Variants in CCSER2 observed in about 807,000 individuals in gnomAD.
CCSER2 encodes serine-rich coiled-coil domain-containing protein 2.
Under a neutral mutation model 92.3 loss-of-function variants are expected in CCSER2, and 46 were observed. The ratio of observed to expected loss-of-function variants is 0.50; its 90% CI spans 0.39 to 0.64. CCSER2 has a LOEUF of 0.64. Among genes scored for constraint, CCSER2 ranks in the 30% least tolerant of loss-of-function variants. The pLI is 0.00. For missense variants in CCSER2, 1,244 were observed against 1,238.9 expected, an observed-to-expected ratio of 1.00 and a Z score of -0.06; for synonymous variants, 433 against 431.4, an observed-to-expected ratio of 1.00 and a Z score of -0.04.
chr10:84,465,901 C>A (rs896443289), intron 7 of CCSER2, among the ~76,000 whole-genome samples: 1 of 152,054 alleles, frequency 6.6e-6, no homozygotes, highest in Non-Finnish European at 1.5e-5. Flanking sequence ...CAGGTGCCCA[C>A]CACCGCGCCC....
At chr10:84,373,523 T>A in intron 2 of CCSER2, 96 bp from the exon 3 acceptor site, 2 of 955,350 alleles carry the variant, frequency 2.1e-6, no homozygotes, top group Non-Finnish European at 3.1e-6. Flanking sequence ...TGAGCCAGCT[T>A]TTTTGCTATG....
intron 1 of CCSER2, among the ~76,000 whole-genome samples, chr10:84,364,333 T>G (rs1168379715): frequency 6.6e-6 from 1 of 152,258 alleles, no homozygotes; most frequent in Non-Finnish European, 1.5e-5. Context: ...CACTGTAATC[T>G]CATGGGACCA....
intron 9 of CCSER2, among the ~76,000 whole-genome samples, chr10:84,508,652 TC>T (rs1849193289): frequency 6.6e-6 from 1 of 152,210 alleles, no homozygotes; most frequent in African/African-American, 2.4e-5. Flanking sequence ...CAGTTAAAGA[TC>T]CTTGACTTCT....
chr10:84,406,511 A>AT (rs1395705906), intron 3 of CCSER2, among the ~76,000 whole-genome samples: 1 of 152,168 alleles, frequency 6.6e-6, no homozygotes, highest in Non-Finnish European at 1.5e-5. Flanking sequence ...AGTTCACTCT[A>AT]TTTGAATAGA....
intron 6 of CCSER2, among the ~76,000 whole-genome samples, chr10:84,449,722 C>G (rs530210730): frequency 6.6e-6 from 1 of 151,988 alleles, no homozygotes; most frequent in East Asian, 1.9e-4. Flanking sequence ...AGCGTGGTGG[C>G]GCATGCCTGT....
chr10:84,421,586 T>TTTACA (rs1485075034), intron 4 of CCSER2, among the ~76,000 whole-genome samples: 27 of 152,116 alleles, frequency 1.8e-4, no homozygotes, highest in Admixed American at 1.8e-3. Flanking sequence ...GGTCCTGCCC[T>TTTACA]TTACACATGG....
At chr10:84,411,895 A>G (rs1236996530) in intron 3 of CCSER2, among the ~76,000 whole-genome samples, 4 of 152,290 alleles carry the variant, frequency 2.6e-5, no homozygotes, top group East Asian at 1.9e-4. Flanking sequence ...CTGGTTTTCA[A>G]GGGGAACGCC....
In CCSER2 at chr10:84,372,343, C is replaced by T. The variant is rs1846105139; in HGVS notation, c.1291C>T (p.Pro431Ser). The T allele has an allele frequency of 6.2e-7, 1 of 1,611,724 alleles. No homozygotes were observed. The highest frequency in any genetic ancestry group is 8.5e-7 in the Non-Finnish European group (1 of 1,178,378). The change falls in exon 2 of 10, where the codon CCA becomes TCA. Residue 431 changes from proline to serine, a missense_variant. By Grantham distance (74) the Pro-to-Ser change is moderately conservative. Transcript: ENST00000372088. ...AGACTCCAACAGAACTAGAATAACT[C>T]CAGAGGAAATGTCTCTCAAAGAAGA... ...IEDSNRTRIT[P>S]EEMSLKEEKH... is the part of the protein sequence containing the mutation.
chr10:84,389,432 G>C, intron 3 of CCSER2: 1 of 462,412 alleles, frequency 2.2e-6, no homozygotes, highest in Non-Finnish European at 4.3e-6. Context: ...CGGTGCAGAG[G>C]GAGAAGGTAC....
intron 3 of CCSER2, among the ~76,000 whole-genome samples, chr10:84,414,030 C>A (rs1167171871): frequency 6.6e-6 from 1 of 151,934 alleles, no homozygotes; most frequent in African/African-American, 2.4e-5. Context: ...TATTTTGAGC[C>A]TATGTGTGTC....
chr10:84,432,948 T>G (rs1843870466), intron 5 of CCSER2, among the ~76,000 whole-genome samples: 2 of 152,206 alleles, frequency 1.3e-5, no homozygotes, highest in Non-Finnish European at 2.9e-5. Context: ...TCTAGTCTCA[T>G]TTGTTGAAAA....
At chr10:84,403,432 A>G (rs1160375305) in intron 3 of CCSER2, among the ~76,000 whole-genome samples, 2 of 152,166 alleles carry the variant, frequency 1.3e-5, no homozygotes, top group African/African-American at 4.8e-5. Flanking sequence ...AAATTGACAA[A>G]TTGAACCTCA....
intron 1 of CCSER2, among the ~76,000 whole-genome samples, chr10:84,362,569 T>G (rs1461961949): frequency 6.6e-6 from 1 of 152,204 alleles, no homozygotes; most frequent in Non-Finnish European, 1.5e-5. Context: ...CATAATAACC[T>G]TATTTAATGT....
intron 9 of CCSER2, among the ~76,000 whole-genome samples, chr10:84,496,479 G>A (rs1246778988): frequency 6.6e-6 from 1 of 152,112 alleles, no homozygotes; most frequent in Admixed American, 6.5e-5. Context: ...TAGAGATGGG[G>A]TTTCACCATG....
At chr10:84,329,684 T>C (rs544473442) in intron 1 of CCSER2, among the ~76,000 whole-genome samples, 37 of 152,334 alleles carry the variant, frequency 2.4e-4, no homozygotes, top group African/African-American at 8.4e-4. Flanking sequence ...CTAGAGACTT[T>C]AGAGATGGCA....
At position 84,514,342 on chromosome 10, in the gene CCSER2, C is replaced by T; in HGVS notation, c.*75C>T. ...TAATAGCTTTATGTGCAGCTTGCAG[C>T]TTGCTACTGTGGTGGAGGTTCCATT... is the stretch of plus-strand genomic sequence containing the variant. On this transcript the variant is annotated 3_prime_UTR_variant, in exon 10 of 10. Transcript: ENST00000372088. 1 of 1,046,562 alleles carries T rather than the reference C, an allele frequency of 9.6e-7. No homozygotes were observed. The highest frequency in any genetic ancestry group is 1.4e-6 in the Non-Finnish European group (1 of 736,526). The allele number at this position is 1,046,562 out of a possible 1,614,324, so 64.8% of individuals were successfully genotyped here. A position where few individuals can be genotyped will look rare whatever the true frequency, so the allele number is the denominator to read the frequency against.
intron 4 of CCSER2, among the ~76,000 whole-genome samples, chr10:84,420,969 G>A (rs1038898167): frequency 6.7e-6 from 1 of 150,106 alleles, no homozygotes; most frequent in Non-Finnish European, 1.5e-5. Context: ...TGGTCACTAT[G>A]AACTATAATG....
chr10:84,459,237 AC>A (rs1845954599), intron 6 of CCSER2, among the ~76,000 whole-genome samples: 1 of 152,036 alleles, frequency 6.6e-6, no homozygotes, highest in Admixed American at 6.5e-5. Flanking sequence ...TGAATTCCTG[AC>A]CTCATGTGGT....
chr10:84,384,781 G>T (rs1841097963), intron 3 of CCSER2, among the ~76,000 whole-genome samples: 1 of 152,244 alleles, frequency 6.6e-6, no homozygotes, highest in South Asian at 2.1e-4. Flanking sequence ...GCAAGAGAAA[G>T]AAGTAAAAGC....
Sources: gnomAD v4.1 joint callset for allele counts (sites outside exome capture counted in the v4.1 genomes callset) on GRCh38, gnomAD v4.1.1 for gene constraint, MANE v1.5 for transcripts, NCBI Gene and HGNC (gene_info 2026-07-23, HGNC 2026-07-21) for gene names.